The following ROCK2 variants were observed in gnomAD, a reference collection of about 807,000 sequenced individuals.
ROCK2 encodes the protein Rho associated coiled-coil containing protein kinase 2.
A neutral mutation model predicts 195.1 loss-of-function variants in ROCK2; 61 were observed. The ratio of observed to expected loss-of-function variants is 0.31; its 90% confidence interval spans 0.25 to 0.39. The LOEUF is 0.39. Among genes scored for constraint, ROCK2 ranks in the 10% least tolerant of loss-of-function variants. The pLI is 1.00. For missense variants in ROCK2, 1,109 were observed against 1,637.4 expected, an observed-to-expected ratio of 0.68 and a Z score of 5.57; for synonymous variants, 504 against 545.5, an observed-to-expected ratio of 0.92 and a Z score of 1.06.
intron 3 of ROCK2, among the ~76,000 whole-genome samples, chr2:11,271,297 A>T (rs573769347): frequency 6.6e-6 from 1 of 152,266 alleles, no homozygotes; most frequent in Admixed American, 6.5e-5. Flanking sequence ...GAGCTCTTGG[A>T]TATAAAATCT....
At chr2:11,327,744 G>A (rs1033791200) in intron 1 of ROCK2, among the ~76,000 whole-genome samples, 1 of 152,118 alleles carries the variant, frequency 6.6e-6, no homozygotes, top group African/African-American at 2.4e-5. Context: ...TGTATTTTTT[G>A]TAGAGACAGG....
chr2:11,309,719 T>C (rs1334755931), intron 1 of ROCK2, among the ~76,000 whole-genome samples: 6 of 152,168 alleles, frequency 3.9e-5, no homozygotes, highest in African/African-American at 1.2e-4. Context: ...GTGGCTCATG[T>C]CCGTAATCCC....
At chr2:11,316,112 C>A (rs1323592971) in intron 1 of ROCK2, among the ~76,000 whole-genome samples, 1 of 152,052 alleles carries the variant, frequency 6.6e-6, no homozygotes, top group Non-Finnish European at 1.5e-5. Flanking sequence ...AATACAACTA[C>A]CCTCAACTGG....
intron 27 of ROCK2, among the ~76,000 whole-genome samples, chr2:11,195,689 A>G (rs1663608548): frequency 6.6e-6 from 1 of 151,942 alleles, no homozygotes; most frequent in African/African-American, 2.4e-5. Context: ...TATTTCTTGT[A>G]TTTTTAGTAG....
rs192395988 is a variant in ROCK2 at position 11,324,403 on chromosome 2, G to A, written c.141+19593C>T. 2.0e-3 allele frequency among the ~76,000 whole-genome samples: 297 copies of A among 151,266 alleles called. 3 individuals carry two copies. The highest frequency in any genetic ancestry group is 2.3e-3 in the Non-Finnish European group (153 of 67,874). Reference sequence around the variant, plus strand: ...TCATGCCACTGCACTGCAGCGTGGCGACAGAGGGAGACTCCGTCTCAAAAA... The same window carrying A: ...TCATGCCACTGCACTGCAGCGTGGCAACAGAGGGAGACTCCGTCTCAAAAA... On this transcript the variant is annotated intron_variant, in intron 1 of 32. Transcript: ENST00000315872.
At position 11,192,457 on chromosome 2, in the gene ROCK2, A is replaced by G. The variant is rs1303070421; in HGVS notation, c.3943T>C (p.Cys1315Arg). ...MDKKEEIIAPCKVYYDISTAK... is the reference protein window; with the variant it reads ...MDKKEEIIAPRKVYYDISTAK... ...CAAGTAATTTATCATTTACCTTTGCAAGGTGCTATAATCTCCTCCTTTTTG... is the reference window on the plus strand; with the variant it reads ...CAAGTAATTTATCATTTACCTTTGCGAGGTGCTATAATCTCCTCCTTTTTG... The change falls in exon 31 of 33, where the codon TGC becomes CGC. Residue 1315 changes from cysteine (C) to arginine (R), a missense_variant. Physicochemically the swap from Cys to Arg is radical, Grantham distance 180. Around this residue, in one of 6 missense-constraint regions of ROCK2, gnomAD observed 221 missense variants for 355.1 expected, o/e 0.62. Coordinates refer to ENST00000315872, the MANE Select transcript of ROCK2 (RefSeq NM_004850.5). This position sits in a 1 kb window ranked among gnomAD's most constrained non-coding sequence, Gnocchi z 5.0. 6.2e-7 allele frequency: 1 copy of G among 1,613,708 alleles called. No individual in the cohort carries two copies. The highest frequency in any genetic ancestry group is 1.3e-5 in the African/African-American group (1 of 74,904).
intron 4 of ROCK2, among the ~76,000 whole-genome samples, chr2:11,248,367 T>TA (rs1370961834): frequency 1.3e-5 from 2 of 151,560 alleles, no homozygotes; most frequent in Admixed American, 6.6e-5. Flanking sequence ...CTTACTAGTA[T>TA]AAAAAAAATG....
At chr2:11,188,613 T>C (rs1408843670) in intron 32 of ROCK2, among the ~76,000 whole-genome samples, 1 of 114,944 alleles carries the variant, frequency 8.7e-6, no homozygotes, top group Non-Finnish European at 2.1e-5. Flanking sequence ...TCTAGTCTTA[T>C]TTTATTTTTA....
intron 3 of ROCK2, among the ~76,000 whole-genome samples, chr2:11,268,556 GTC>G (rs1233600236): frequency 7.2e-4 from 106 of 147,830 alleles, no homozygotes; most frequent in African/African-American, 2.5e-3. Context: ...GTGTGTGTGT[GTC>G]TCTGCATTCA....
intron 16 of ROCK2, 136 bp downstream of exon 16, chr2:11,214,704 A>G (rs1027333495): frequency 1.2e-6 from 1 of 845,594 alleles, no homozygotes; most frequent in South Asian, 1.9e-5. Context: ...ATTTTGTATC[A>G]GTGTATTTCT....
chr2:11,294,168 T>C (rs1667442276), intron 1 of ROCK2, among the ~76,000 whole-genome samples: 1 of 148,590 alleles, frequency 6.7e-6, no homozygotes, highest in South Asian at 2.1e-4. Flanking sequence ...AAAAAAAAAT[T>C]TAAAAAAAAG....
chr2:11,217,342 CCCCATCTCT>C, intron 11 of ROCK2, 173 bp from the exon 12 acceptor site: 1 of 709,008 alleles, frequency 1.4e-6, no homozygotes, highest in Non-Finnish European at 2.6e-6. Flanking sequence ...GGAAAAACTC[CCCCATCTCT>C]TGCTTTCTAT....
chr2:11,297,176 AT>A (rs752749627), intron 1 of ROCK2, among the ~76,000 whole-genome samples: 1 of 152,154 alleles, frequency 6.6e-6, no homozygotes, highest in Non-Finnish European at 1.5e-5. Context: ...AGGAATTAGT[AT>A]TTTTAAAAAA....
At chr2:11,234,664 GGCCCATAAA>G (rs1185584469) in intron 5 of ROCK2, 48 of 152,100 alleles carry the variant, frequency 3.2e-4, no homozygotes, top group African/African-American at 1.1e-3. Context: ...AGACAAAAAT[GGCCCATAAA>G]GTATAGCACA....
chr2:11,181,187 T>A lies in ROCK2; in HGVS notation c.*2250A>T, dbSNP rs1020243922. On this transcript the variant is annotated 3_prime_UTR_variant, in exon 33 of 33. Transcript: ENST00000315872. ...CTTAATAAAGTTTATTAAAAATATA[T>A]ATATATATATATATATATATATACT... 8.4e-3 allele frequency: 1,064 copies of A among 126,114 alleles called. 7 individuals carry two copies. Among genetic ancestry groups the A allele is most frequent in the Non-Finnish European group, 0.013 (755 of 58,038 alleles). 7.8% of individuals were successfully genotyped at this position (126,114 alleles called of 1,614,324 possible). A position where few individuals can be genotyped will look rare whatever the true frequency, so the allele number is the denominator to read the frequency against.
intron 4 of ROCK2, among the ~76,000 whole-genome samples, chr2:11,240,920 A>G (rs1005802961): frequency 6.6e-6 from 1 of 152,236 alleles, no homozygotes; most frequent in Non-Finnish European, 1.5e-5. Flanking sequence ...CACTAGAACA[A>G]CAGAAAAGAG....
chr2:11,300,094 G>T (rs1667658633), intron 1 of ROCK2, among the ~76,000 whole-genome samples: 1 of 152,090 alleles, frequency 6.6e-6, no homozygotes, highest in South Asian at 2.1e-4. Context: ...TCCCATTGAT[G>T]AAACAATTTG....
chr2:11,335,375 C>A (rs1668898956), intron 1 of ROCK2, among the ~76,000 whole-genome samples: 1 of 151,974 alleles, frequency 6.6e-6, no homozygotes, highest in South Asian at 2.1e-4. Flanking sequence ...TAGTTGAGCC[C>A]CAAATGCACC....
At chr2:11,189,562 GA>G (rs1663335724) in intron 32 of ROCK2, among the ~76,000 whole-genome samples, 1 of 152,144 alleles carries the variant, frequency 6.6e-6, no homozygotes, top group Non-Finnish European at 1.5e-5. Flanking sequence ...AATGTCTTTA[GA>G]GAACAAAATA....
Sources: allele counts gnomAD v4.1 joint callset (sites outside exome capture counted in the v4.1 genomes callset), GRCh38; gene constraint gnomAD v4.1.1; regional missense constraint gnomAD v4.1.1; non-coding constraint Gnocchi (gnomAD v3.1); transcripts MANE v1.5; gene names NCBI Gene and HGNC (gene_info 2026-07-23, HGNC 2026-07-21).